GABRB1: variants seen among roughly 807,000 people sequenced by gnomAD.
GABRB1 encodes the protein gamma-aminobutyric acid receptor subunit beta-1.
Under a neutral mutation model 51.6 loss-of-function variants are expected in GABRB1, and 17 were observed. The ratio of observed to expected loss-of-function variants is 0.33; its 90% CI spans 0.23 to 0.49. The LOEUF (loss-of-function observed/expected upper bound fraction) is 0.49. Ranked by LOEUF, GABRB1 falls within the 20% of genes least tolerant of loss-of-function variation. GABRB1 has a pLI of 0.99. For missense variants in GABRB1, 410 were observed against 600.6 expected (o/e 0.68, Z 3.32); for synonymous variants, 247 against 218.9 (o/e 1.13, Z -1.14).
At chr4:47,059,218 C>A (rs2109524109) in intron 3 of GABRB1, among the ~76,000 whole-genome samples, 1 of 152,298 alleles carries the variant, frequency 6.6e-6, no homozygotes, top group South Asian at 2.1e-4. Context: ...CATTCCACAG[C>A]CCAGTTTTAC....
At chr4:47,005,380 C>T (rs889870422) in intron 1 of GABRB1, among the ~76,000 whole-genome samples, 2 of 152,100 alleles carry the variant, frequency 1.3e-5, no homozygotes, top group Non-Finnish European at 2.9e-5. Flanking sequence ...ATCCAGCCAT[C>T]GCACTCCAGC....
chr4:47,060,660 T>C (rs538230023), intron 3 of GABRB1, among the ~76,000 whole-genome samples: 1 of 152,170 alleles, frequency 6.6e-6, no homozygotes, highest in East Asian at 1.9e-4. Context: ...TTTGTCTCCT[T>C]GTGAATATTC....
chr4:47,025,419 A>G (rs991323946), intron 1 of GABRB1, among the ~76,000 whole-genome samples: 2 of 151,824 alleles, frequency 1.3e-5, no homozygotes, highest in Non-Finnish European at 2.9e-5. Flanking sequence ...TTTTTTGATT[A>G]TGGCCATTCT....
intron 3 of GABRB1, among the ~76,000 whole-genome samples, chr4:47,144,526 A>G (rs1717070541): frequency 6.6e-6 from 1 of 151,998 alleles, no homozygotes; most frequent in Admixed American, 6.6e-5. Context: ...CGTGGTAACA[A>G]CTACTACTTG....
intron 8 of GABRB1, among the ~76,000 whole-genome samples, chr4:47,418,750 T>C (rs914810131): frequency 6.6e-6 from 1 of 152,166 alleles, no homozygotes; most frequent in Non-Finnish European, 1.5e-5. Flanking sequence ...AGTAACATTC[T>C]AGATGGGACA....
At chr4:47,369,578 T>A (rs1727115249) in intron 5 of GABRB1, among the ~76,000 whole-genome samples, 1 of 152,186 alleles carries the variant, frequency 6.6e-6, no homozygotes, top group Non-Finnish European at 1.5e-5. Context: ...CATATCCTCA[T>A]CTAATCCTTT....
At chr4:47,245,859 G>A (rs1385063742) in intron 4 of GABRB1, among the ~76,000 whole-genome samples, 1 of 145,644 alleles carries the variant, frequency 6.9e-6, no homozygotes, top group Non-Finnish European at 1.5e-5. Context: ...AAGCTGCATA[G>A]AAACATTGTA....
At chr4:47,362,275 G>A (rs976842353) in intron 5 of GABRB1, among the ~76,000 whole-genome samples, 9 of 152,096 alleles carry the variant, frequency 5.9e-5, no homozygotes, top group African/African-American at 1.9e-4. Flanking sequence ...GGGATTGATG[G>A]AACTAGAAGT....
intron 4 of GABRB1, among the ~76,000 whole-genome samples, chr4:47,298,562 C>T (rs1724109574): frequency 6.6e-6 from 1 of 152,136 alleles, no homozygotes; most frequent in Non-Finnish European, 1.5e-5. Flanking sequence ...AGGAGAACTA[C>T]AAACCACTGC....
chr4:47,067,368 T>G (rs1727132059), intron 3 of GABRB1, among the ~76,000 whole-genome samples: 1 of 152,210 alleles, frequency 6.6e-6, no homozygotes, highest in South Asian at 2.1e-4. Context: ...CCTTTGAAGC[T>G]GTGAAGGGAA....
At chr4:47,088,264 T>A (rs541694668) in intron 3 of GABRB1, among the ~76,000 whole-genome samples, 1 of 152,196 alleles carries the variant, frequency 6.6e-6, no homozygotes, top group Non-Finnish European at 1.5e-5. Flanking sequence ...GAATCACACA[T>A]AATCCCTGCC....
At chr4:47,410,986 C>T (rs182046899) in intron 8 of GABRB1, among the ~76,000 whole-genome samples, 1 of 152,162 alleles carries the variant, frequency 6.6e-6, no homozygotes, top group Non-Finnish European at 1.5e-5. Context: ...GCCTACCAAA[C>T]CAAACTCAAC....
chr4:47,122,818 G>GA (rs1164962068), intron 3 of GABRB1, among the ~76,000 whole-genome samples: 2 of 152,194 alleles, frequency 1.3e-5, no homozygotes, highest in Non-Finnish European at 2.9e-5. Flanking sequence ...GAAACAAGTA[G>GA]AAAGGAGCAA....
intron 4 of GABRB1, among the ~76,000 whole-genome samples, chr4:47,278,915 G>A (rs1723178274): frequency 6.6e-6 from 1 of 152,194 alleles, no homozygotes; most frequent in Non-Finnish European, 1.5e-5. Context: ...GATGGCTTCT[G>A]AGGGTCAGTG....
intron 3 of GABRB1, among the ~76,000 whole-genome samples, chr4:47,081,961 C>T (rs1474548551): frequency 6.6e-6 from 1 of 152,020 alleles, no homozygotes; most frequent in African/African-American, 2.4e-5. Flanking sequence ...TGTTTTCTTG[C>T]TTCTTTCACA....
chr4:47,145,710 G>A (rs2109702984), intron 3 of GABRB1, among the ~76,000 whole-genome samples: 1 of 152,136 alleles, frequency 6.6e-6, no homozygotes, highest in East Asian at 1.9e-4. Flanking sequence ...TTAAATGCAA[G>A]GGGAACTTCA....
At chr4:47,323,585 T>C (rs1007077675) in intron 5 of GABRB1, among the ~76,000 whole-genome samples, 3 of 152,186 alleles carry the variant, frequency 2.0e-5, no homozygotes, top group Admixed American at 2.0e-4. Flanking sequence ...GAGGCTCTAG[T>C]GTCAGTCGGG....
intron 1 of GABRB1, among the ~76,000 whole-genome samples, chr4:47,013,455 G>C (rs114734640): frequency 6.6e-6 from 1 of 151,994 alleles, no homozygotes; most frequent in African/African-American, 2.4e-5. Context: ...CACTGTGCCC[G>C]GTCTGTGCAG....
At chr4:47,422,846 A>G (rs1233638443) in intron 8 of GABRB1, among the ~76,000 whole-genome samples, 1 of 152,224 alleles carries the variant, frequency 6.6e-6, no homozygotes, top group Non-Finnish European at 1.5e-5. Flanking sequence ...CGATGACAAT[A>G]TAATCTTTCA....
Sources: gnomAD v4.1 joint callset for allele counts (sites outside exome capture counted in the v4.1 genomes callset) on GRCh38, gnomAD v4.1.1 for gene constraint, MANE v1.5 for transcripts, NCBI Gene and HGNC (gene_info 2026-07-23, HGNC 2026-07-21) for gene names.